CPEB1: variants seen among roughly 807,000 people sequenced by gnomAD.
CPEB1 encodes the protein cytoplasmic polyadenylation element binding protein 1.
A neutral mutation model predicts 65.8 loss-of-function variants in CPEB1; 7 were observed. The ratio of observed to expected loss-of-function variants is 0.11; its 90% CI spans 0.06 to 0.20. CPEB1 has a LOEUF of 0.20. CPEB1 is among the 10% of genes least tolerant of loss of function. CPEB1 has a pLI of 1.00. For synonymous variants in CPEB1, 262 were observed against 260.0 expected (o/e 1.01, Z -0.08); for missense variants, 551 against 712.2 (o/e 0.77, Z 2.58).
intron 3 of CPEB1, among the ~76,000 whole-genome samples, chr15:82,590,889 A>G (rs1193556640): frequency 6.6e-6 from 1 of 152,154 alleles, no homozygotes; most frequent in Non-Finnish European, 1.5e-5. Flanking sequence ...GTGTATACAT[A>G]CTACATTTTC....
chr15:82,597,617 G>C (rs567368330), intron 3 of CPEB1, among the ~76,000 whole-genome samples: 1 of 152,328 alleles, frequency 6.6e-6, no homozygotes, highest in African/African-American at 2.4e-5. Flanking sequence ...CACAATGCTT[G>C]GGAAAGGAGG....
intron 1 of CPEB1, among the ~76,000 whole-genome samples, chr15:82,645,430 G>A (rs2047421672): frequency 2.0e-5 from 3 of 152,154 alleles, no homozygotes; most frequent in Admixed American, 2.0e-4. Context: ...TGGGATTAAA[G>A]GCGTGAGTCA....
At position 82,547,122 on chromosome 15, in the gene CPEB1, G is replaced by A. The variant is rs751328558; in HGVS notation, c.1575+21C>T. On this transcript the variant is annotated intron_variant, in intron 11 of 12. Coordinates refer to ENST00000684509, the MANE Select transcript of CPEB1 (RefSeq NM_001365242.1). ...CCCCTCTCATATACCCCAGAGTAAG[G>A]GCATAAACCAGCCAACTCACCTTCT... 9.0e-6 allele frequency: 14 copies of A among 1,561,338 alleles called. No homozygotes were observed. In the East Asian group the frequency reaches 2.9e-4, roughly 33 times the overall value.
At chr15:82,610,880 C>G (rs1395839644) in intron 3 of CPEB1, among the ~76,000 whole-genome samples, 1 of 132,368 alleles carries the variant, frequency 7.6e-6, no homozygotes, top group African/African-American at 2.9e-5. Context: ...ATTGCTTGAA[C>G]CCGGGAGGCA....
chr15:82,575,594 T>C (rs1182505745), intron 3 of CPEB1, among the ~76,000 whole-genome samples: 2 of 152,022 alleles, frequency 1.3e-5, no homozygotes, highest in African/African-American at 4.8e-5. Context: ...AAATCTTAAC[T>C]GAAAAGTAAC....
At chr15:82,614,539 G>A (rs1369175036) in intron 3 of CPEB1, among the ~76,000 whole-genome samples, 1 of 152,066 alleles carries the variant, frequency 6.6e-6, no homozygotes, top group Admixed American at 6.5e-5. Flanking sequence ...ACACAAAACT[G>A]CAAGTAAATT....
In CPEB1 at chr15:82,613,034, A is replaced by G. The variant is rs139439051; in HGVS notation, c.271+14159T>C. Among the ~76,000 whole-genome samples the G allele has an allele frequency of 9.2e-4, 137 of 148,344 alleles. 3 individuals carry two copies. The East Asian group carries it at 0.022, about 23-fold the overall frequency. ...CAAGCTCTTCTCAAGAACAGCGAGG[A>G]AAAAAAAAAACTTTTCAAGAAGCTA... is the stretch of plus-strand genomic sequence containing the variant. On this transcript the variant is annotated intron_variant, in intron 3 of 12. Coordinates refer to ENST00000684509, the MANE Select transcript of CPEB1 (RefSeq NM_001365242.1).
chr15:82,591,155 T>TC (rs919500234), intron 3 of CPEB1, among the ~76,000 whole-genome samples: 65 of 151,052 alleles, frequency 4.3e-4, no homozygotes, highest in Middle Eastern at 3.5e-3. Flanking sequence ...CGTTCCCTTT[T>TC]CCCCCCCGCC....
At chr15:82,544,863 C>A (rs1036090849) in intron 12 of CPEB1, among the ~76,000 whole-genome samples, 161 bp from the exon 13 acceptor site, 3 of 152,184 alleles carry the variant, frequency 2.0e-5, no homozygotes, top group African/African-American at 7.2e-5. Context: ...CACCCCAACA[C>A]AGAAGCCTGA....
chr15:82,547,015 A>T (rs1567163899), intron 11 of CPEB1, 128 bp downstream of exon 11: 1 of 645,354 alleles, frequency 1.5e-6, no homozygotes, highest in East Asian at 2.6e-5. Flanking sequence ...GTTAATTCTC[A>T]GGAATTTGGC....
intron 1 of CPEB1, among the ~76,000 whole-genome samples, chr15:82,632,633 A>G (rs756506461): frequency 6.6e-6 from 1 of 152,082 alleles, no homozygotes; most frequent in Non-Finnish European, 1.5e-5. Flanking sequence ...TTCCTGCCTC[A>G]GCGTCCCAAG....
At chr15:82,547,039 C>T in intron 11 of CPEB1, 104 bp downstream of exon 11, 1 of 765,056 alleles carries the variant, frequency 1.3e-6, no homozygotes, top group Non-Finnish European at 2.2e-6. Context: ...CTTCCCTAAA[C>T]ACACCCAGCA....
At chr15:82,648,330 G>C (rs8038497), upstream of CPEB1, 130,809 of 155,684 alleles carry the variant, frequency 0.84, 55,529 homozygotes, top group East Asian at 1. Flanking sequence ...TTCGTCAGTA[G>C]AGCCTCGTGT....
At position 82,626,212 on chromosome 15, in the gene CPEB1, G is replaced by A. The variant is rs140199352; in HGVS notation, c.271+981C>T. On this transcript the variant is annotated intron_variant, in intron 3 of 12. Transcript: ENST00000684509. ...GCACTTTGGGAGGCCAAGGCACGCA[G>A]ATCACAAGGTCAGGACATCGAGACC... Among the ~76,000 whole-genome samples the A allele has an allele frequency of 1.0e-2, 1,511 of 151,528 alleles. 26 individuals carry two copies. Among genetic ancestry groups the A allele is most frequent in the African/African-American group, 0.034 (1,393 of 41,256 alleles).
At position 82,591,685 on chromosome 15, in the gene CPEB1, C is replaced by T. The variant is rs1459304943; in HGVS notation, c.272-20153G>A. On this transcript the variant is annotated intron_variant, in intron 3 of 12. Transcript: ENST00000684509. ...CTTTTCAGGACACTATCATTTCCCT[C>T]TAACCTCTCCCACCCCTAAGCAACC... Among the ~76,000 whole-genome samples, 5 of 152,244 alleles carry T rather than the reference C, an allele frequency of 3.3e-5. No homozygotes were observed. In the South Asian group the frequency reaches 1.0e-3, roughly 32 times the overall value.
chr15:82,622,263 C>G (rs1167307743), intron 3 of CPEB1, among the ~76,000 whole-genome samples: 1 of 152,078 alleles, frequency 6.6e-6, no homozygotes, highest in Non-Finnish European at 1.5e-5. Flanking sequence ...CTAGCTCCTA[C>G]CACCCATCAT....
At chr15:82,629,378 A>G (rs1445648295) in intron 1 of CPEB1, 4 of 985,276 alleles carry the variant, frequency 4.1e-6, no homozygotes, top group Non-Finnish European at 4.8e-6. Context: ...TGTGGTCATT[A>G]TTAGTACATA....
chr15:82,557,728 C>A (rs778187730), intron 5 of CPEB1, 32 bp downstream of exon 5: 2 of 1,594,644 alleles, frequency 1.3e-6, no homozygotes, highest in Admixed American at 1.7e-5. Flanking sequence ...CAACTCCACC[C>A]ACAACTCCCC....
chr15:82,607,129 CAT>C (rs1349580459), intron 3 of CPEB1, among the ~76,000 whole-genome samples: 2 of 151,104 alleles, frequency 1.3e-5, no homozygotes, highest in Non-Finnish European at 2.9e-5. Flanking sequence ...AGACACAAGA[CAT>C]ATGGAAAACA....
Sources: gnomAD v4.1 joint callset for allele counts (sites outside exome capture counted in the v4.1 genomes callset) on GRCh38, gnomAD v4.1.1 for gene constraint, MANE v1.5 for transcripts, NCBI Gene and HGNC (gene_info 2026-07-23, HGNC 2026-07-21) for gene names.